FRAS1: variants seen among roughly 807,000 people sequenced by gnomAD.
FRAS1 encodes extracellular matrix organizing protein FRAS1.
A neutral mutation model predicts 435.2 loss-of-function variants in FRAS1; 290 were observed. The observed-to-expected ratio is 0.67, with a 90% CI of 0.61 to 0.73. The LOEUF is 0.73. Among genes scored for constraint, FRAS1 ranks in the 30% least tolerant of loss-of-function variants. The pLI is 0.00. For missense variants in FRAS1, 4,860 were observed against 5,001.5 expected, an observed-to-expected ratio of 0.97 and a Z score of 0.85; for synonymous variants, 1,800 against 1,851.0, an observed-to-expected ratio of 0.97 and a Z score of 0.71.
intron 26 of FRAS1, among the ~76,000 whole-genome samples, chr4:78,376,378 A>G (rs1280171033): frequency 2.0e-5 from 3 of 152,232 alleles, no homozygotes; most frequent in Non-Finnish European, 1.5e-5. Flanking sequence ...ACTGTAGGCA[A>G]TCGTAACACA....
chr4:78,312,839 G>A (rs1300196109), intron 15 of FRAS1, among the ~76,000 whole-genome samples: 35 of 121,336 alleles, frequency 2.9e-4, no homozygotes, highest in African/African-American at 1.0e-3. Flanking sequence ...CTGAAAGAAA[G>A]AAAAAGAAAG....
chr4:78,412,811 A>G (rs564907163), intron 31 of FRAS1, among the ~76,000 whole-genome samples, 158 bp from the exon 32 acceptor site: 10 of 152,322 alleles, frequency 6.6e-5, no homozygotes, highest in Non-Finnish European at 1.3e-4. Context: ...ATGAATCAGT[A>G]AAAGATCAAT....
In FRAS1 at chr4:78,496,786, C is replaced by T. The variant is rs1254371512; in HGVS notation, c.8959-19C>T. The T allele has an allele frequency of 3.7e-6, 6 of 1,605,076 alleles. No individual in the cohort carries two copies. The highest frequency in any genetic ancestry group is 5.1e-6 in the Non-Finnish European group (6 of 1,176,596). On this transcript the variant is annotated intron_variant, in intron 59 of 73. Coordinates refer to ENST00000512123, the MANE Select transcript of FRAS1 (RefSeq NM_025074.7). ...TATCTTGCTGAAAATTTTAATCTGT[C>T]TTGTGCCATTGGCTCTAGGTGAAGA... is the stretch of plus-strand genomic sequence containing the variant.
chr4:78,429,311 A>G lies in FRAS1; in HGVS notation c.4843+85A>G. On this transcript the variant is annotated intron_variant, in intron 36 of 73. Coordinates refer to ENST00000512123, the MANE Select transcript of FRAS1 (RefSeq NM_025074.7). Reference sequence around the variant, plus strand: ...TCTTCAAACCTCTTGATGGTTGCCAAAAAAGCAAACTCTTCTTCCAGAAGT... The same window carrying G: ...TCTTCAAACCTCTTGATGGTTGCCAGAAAAGCAAACTCTTCTTCCAGAAGT... 2.0e-6 allele frequency: 3 copies of G among 1,466,754 alleles called. No homozygotes were observed. In the East Asian group the frequency reaches 7.4e-5, roughly 36 times the overall value. The allele number at this position is 1,466,754 out of a possible 1,614,324, so 90.9% of individuals were successfully genotyped here.
intron 64 of FRAS1, among the ~76,000 whole-genome samples, chr4:78,512,214 C>T (rs1195379223): frequency 2.0e-5 from 3 of 152,090 alleles, no homozygotes; most frequent in East Asian, 3.9e-4. Flanking sequence ...GTATGTTATG[C>T]GTATTTATTA....
intron 61 of FRAS1, among the ~76,000 whole-genome samples, chr4:78,503,405 T>TATTCA: frequency 6.6e-6 from 1 of 152,222 alleles, no homozygotes; most frequent in African/African-American, 2.4e-5. Context: ...GTTATTGGTC[T>TATTCA]GTTCAGAGAT....
chr4:78,075,089 T>C (rs1740569924), intron 2 of FRAS1, among the ~76,000 whole-genome samples: 1 of 152,192 alleles, frequency 6.6e-6, no homozygotes. Context: ...AGCTGCTCTT[T>C]TAAATTTACC....
Position 78,129,836 on chromosome 4 carries a change from T to C in FRAS1, c.108+63820T>C, listed in dbSNP as rs552752325. ...TGCCAAGACCCATTCTAATCTAGTTTCTTCCCAACTCTCCAACTCTCCATT... is the reference window on the plus strand; with the variant it reads ...TGCCAAGACCCATTCTAATCTAGTTCCTTCCCAACTCTCCAACTCTCCATT... On this transcript the variant is annotated intron_variant, in intron 2 of 73. Coordinates refer to ENST00000512123, the MANE Select transcript of FRAS1 (RefSeq NM_025074.7). 2.0e-5 allele frequency among the ~76,000 whole-genome samples: 3 copies of C among 152,236 alleles called. No homozygotes were observed. In the South Asian group the frequency reaches 6.2e-4, roughly 32 times the overall value.
chr4:78,228,435 T>G (rs1724364573), intron 2 of FRAS1, among the ~76,000 whole-genome samples: 1 of 152,208 alleles, frequency 6.6e-6, no homozygotes, highest in Non-Finnish European at 1.5e-5. Flanking sequence ...TTAGAACAAG[T>G]GGAAAACTGG....
chr4:78,111,724 C>G (rs1324198694), intron 2 of FRAS1, among the ~76,000 whole-genome samples: 1 of 113,294 alleles, frequency 8.8e-6, no homozygotes, highest in Non-Finnish European at 1.7e-5. Flanking sequence ...GCACAATGTG[C>G]ACATGTACCC....
At chr4:78,248,784 C>G (rs1239735845) in intron 4 of FRAS1, among the ~76,000 whole-genome samples, 1 of 151,758 alleles carries the variant, frequency 6.6e-6, no homozygotes, top group Non-Finnish European at 1.5e-5. Flanking sequence ...TTCTTTTGGA[C>G]TTATGTCAAC....
At chr4:78,344,500 T>TA (rs1730524160) in intron 20 of FRAS1, among the ~76,000 whole-genome samples, 1 of 105,860 alleles carries the variant, frequency 9.4e-6, no homozygotes, top group Non-Finnish European at 1.9e-5. Flanking sequence ...GATTCCAGAG[T>TA]CTGGAATGTG....
intron 2 of FRAS1, among the ~76,000 whole-genome samples, chr4:78,167,508 A>G (rs956230333): frequency 6.6e-6 from 1 of 152,042 alleles, no homozygotes; most frequent in Non-Finnish European, 1.5e-5. Context: ...GCTACTAATG[A>G]GAGTGATTAT....
intron 6 of FRAS1, among the ~76,000 whole-genome samples, chr4:78,256,218 G>A (rs1348769383): frequency 6.6e-6 from 1 of 152,190 alleles, no homozygotes; most frequent in Non-Finnish European, 1.5e-5. Flanking sequence ...AATGCTAAAT[G>A]CCAAATAAAG....
intron 20 of FRAS1, among the ~76,000 whole-genome samples, chr4:78,362,505 G>T (rs1731111974): frequency 6.6e-6 from 1 of 152,208 alleles, no homozygotes; most frequent in Non-Finnish European, 1.5e-5. Flanking sequence ...GCTCCATGGG[G>T]GGCCTGCAGC....
At chr4:78,422,633 A>G (rs945747420) in intron 34 of FRAS1, among the ~76,000 whole-genome samples, 3 of 152,212 alleles carry the variant, frequency 2.0e-5, no homozygotes, top group Non-Finnish European at 4.4e-5. Flanking sequence ...GCAGGGATGC[A>G]TCTGGTGGGA....
chr4:78,148,710 T>G (rs930590709), intron 2 of FRAS1, among the ~76,000 whole-genome samples: 13 of 152,196 alleles, frequency 8.5e-5, no homozygotes, highest in African/African-American at 3.1e-4. Flanking sequence ...TGGACCAGAG[T>G]CATTGATATT....
At chr4:78,131,434 G>C (rs1719677209) in intron 2 of FRAS1, among the ~76,000 whole-genome samples, 1 of 152,128 alleles carries the variant, frequency 6.6e-6, no homozygotes, top group South Asian at 2.1e-4. Flanking sequence ...CATAACTATA[G>C]AGTTATACTA....
intron 9 of FRAS1, among the ~76,000 whole-genome samples, chr4:78,272,685 A>G (rs6533571): frequency 0.58 from 88,616 of 152,044 alleles, 26,447 homozygotes; most frequent in Middle Eastern, 0.69. Flanking sequence ...CTGTTTTGGT[A>G]CCAGTACTAT....
Sources: gnomAD v4.1 joint callset for allele counts (sites outside exome capture counted in the v4.1 genomes callset) on GRCh38, gnomAD v4.1.1 for gene constraint, MANE v1.5 for transcripts, NCBI Gene and HGNC (gene_info 2026-07-23, HGNC 2026-07-21) for gene names.